RBFOX3: variants seen among roughly 807,000 people sequenced by gnomAD.
The protein encoded by RBFOX3 is RNA binding fox-1 homolog 3, also known as RNA binding protein fox-1 homolog 3.
RBFOX3 carries 17 observed loss-of-function variants against 48.7 expected under a neutral mutation model. The ratio of observed to expected loss-of-function variants is 0.35; its 90% CI spans 0.24 to 0.52. The LOEUF is 0.52. RBFOX3 is among the 20% of genes least tolerant of loss of function. The pLI is 0.94. For missense variants in RBFOX3, 382 were observed against 497.5 expected (o/e 0.77, Z 2.21); for synonymous variants, 212 against 209.5 (o/e 1.01, Z -0.10).
At chr17:79,523,623 G>A (rs2086413682) in intron 1 of RBFOX3, among the ~76,000 whole-genome samples, 2 of 152,176 alleles carry the variant, frequency 1.3e-5, no homozygotes, top group Admixed American at 6.5e-5. Context: ...ATTGGTTCAT[G>A]GACAGAGAGT....
At chr17:79,454,486 C>G (rs774445416) in intron 2 of RBFOX3, among the ~76,000 whole-genome samples, 1 of 152,152 alleles carries the variant, frequency 6.6e-6, no homozygotes, top group Non-Finnish European at 1.5e-5. Flanking sequence ...GCTCCCCCAC[C>G]TTGCCCACCA....
chr17:79,359,302 G>C (rs557260623), intron 2 of RBFOX3, among the ~76,000 whole-genome samples: 2 of 152,278 alleles, frequency 1.3e-5, no homozygotes, highest in Admixed American at 1.3e-4. Context: ...TTGAGTTTCA[G>C]ATAAACAACA....
chr17:79,493,303 C>T (rs2080968289), intron 1 of RBFOX3, among the ~76,000 whole-genome samples: 1 of 152,196 alleles, frequency 6.6e-6, no homozygotes, highest in South Asian at 2.1e-4. Context: ...CCACCAGGCC[C>T]CACCTCTAAC....
At chr17:79,158,644 G>T (rs881528) in intron 4 of RBFOX3, among the ~76,000 whole-genome samples, 1 of 152,100 alleles carries the variant, frequency 6.6e-6, no homozygotes, top group African/African-American at 2.4e-5. Flanking sequence ...CCCGACCAAG[G>T]CTGGCAAGGA....
chr17:79,519,104 G>T (rs1419634809), intron 1 of RBFOX3, among the ~76,000 whole-genome samples: 1 of 152,242 alleles, frequency 6.6e-6, no homozygotes, highest in Non-Finnish European at 1.5e-5. Context: ...ATGCTCCGGA[G>T]GTAAACCAAG....
intron 9 of RBFOX3, among the ~76,000 whole-genome samples, chr17:79,100,852 C>A (rs934716041): frequency 6.6e-5 from 10 of 152,190 alleles, no homozygotes; most frequent in Admixed American, 1.3e-4. Context: ...AGATCCATCT[C>A]CAAGGAAGAC....
chr17:79,472,231 G>A (rs948109553), intron 2 of RBFOX3, among the ~76,000 whole-genome samples: 105 of 152,324 alleles, frequency 6.9e-4, no homozygotes, highest in South Asian at 3.3e-3. Flanking sequence ...CACAGTGGTC[G>A]TACTAGCTGG....
intron 1 of RBFOX3, among the ~76,000 whole-genome samples, chr17:79,559,078 C>G (rs1207570683): frequency 6.6e-6 from 1 of 152,134 alleles, no homozygotes; most frequent in Non-Finnish European, 1.5e-5. Flanking sequence ...CTCAGTCTTA[C>G]ACGGGCAGCA....
rs73999989 is a variant in RBFOX3, at chr17:79,287,099, C to G, written c.-74+20625G>C. On this transcript the variant is annotated intron_variant, in intron 3 of 14. Transcript: ENST00000693108. ...CAGGATAGCTTTACCCAGAGGACAACTTGCTGTTGGCAGACCAGTGACAGA... is the reference window on the plus strand; with the variant it reads ...CAGGATAGCTTTACCCAGAGGACAAGTTGCTGTTGGCAGACCAGTGACAGA... Among the ~76,000 whole-genome samples the G allele has an allele frequency of 7.0e-3, 1,071 of 152,358 alleles. 20 individuals carry two copies. Among genetic ancestry groups the G allele is most frequent in the African/African-American group, 0.025 (1,030 of 41,582 alleles).
Position 79,356,273 on chromosome 17 carries a change from C to T in RBFOX3, c.-174-48449G>A, listed in dbSNP as rs114604794. Among the ~76,000 whole-genome samples the T allele has an allele frequency of 2.1e-3, 319 of 148,988 alleles. 1 individual carries two copies. Among genetic ancestry groups the T allele is most frequent in the African/African-American group, 7.4e-3 (301 of 40,470 alleles). On this transcript the variant is annotated intron_variant, in intron 2 of 14. Transcript: ENST00000693108. The stretch of plus-strand genomic sequence containing the variant: ...CAGACGGGGTGGGGGAGAGAGGAGG[C>T]ACTTGATCCCACCTGGGCAATGCCA...
rs183179840 is a variant in RBFOX3 at position 79,278,009 on chromosome 17, G to A, written c.-74+29715C>T. On this transcript the variant is annotated intron_variant, in intron 3 of 14. Transcript: ENST00000693108. ...TCTCAGCCTGATTGGAGACTTCTGTGTGATATGAGGAAAAAGCCTGGAAAG... is the reference window on the plus strand; with the variant it reads ...TCTCAGCCTGATTGGAGACTTCTGTATGATATGAGGAAAAAGCCTGGAAAG... Among the ~76,000 whole-genome samples, 4 of 152,332 alleles carry A rather than the reference G, an allele frequency of 2.6e-5. No individual in the cohort carries two copies. The East Asian group carries it at 7.7e-4, about 29-fold the overall frequency.
At chr17:79,100,204 G>C (rs1414976444) in intron 9 of RBFOX3, 2 of 152,294 alleles carry the variant, frequency 1.3e-5, no homozygotes, top group Non-Finnish European at 2.9e-5. Context: ...ACAGCGGTGG[G>C]TGTGGCCCTT....
At chr17:79,137,301 G>T (rs913616413) in intron 4 of RBFOX3, among the ~76,000 whole-genome samples, 2 of 151,894 alleles carry the variant, frequency 1.3e-5, no homozygotes, top group Non-Finnish European at 2.9e-5. Flanking sequence ...CCCTGTACAC[G>T]TGTACACACA....
intron 2 of RBFOX3, among the ~76,000 whole-genome samples, chr17:79,456,277 CTGTT>C (rs2074477269): frequency 6.6e-6 from 1 of 152,292 alleles, no homozygotes; most frequent in South Asian, 2.1e-4. Context: ...CCCGCCAACT[CTGTT>C]TGTTCCGCCT....
chr17:79,092,216 C>T (rs2074057794), intron 14 of RBFOX3: 1 of 985,528 alleles, frequency 1.0e-6, no homozygotes, highest in Non-Finnish European at 1.2e-6. Context: ...AAATGTGGCT[C>T]TTGCCCTCAT....
chr17:79,131,412 A>G (rs2143292155), intron 4 of RBFOX3, among the ~76,000 whole-genome samples: 1 of 152,286 alleles, frequency 6.6e-6, no homozygotes, highest in Admixed American at 6.5e-5. Context: ...GAACGTTGGT[A>G]GCACCTCCAC....
At chr17:79,616,218 T>C in the RBFOX3 span, among the ~76,000 whole-genome samples, 1 of 152,140 alleles carries the variant, frequency 6.6e-6, no homozygotes. Flanking sequence ...GGTTACTCTA[T>C]GTAGTCGTAA....
chr17:79,121,607 C>G (rs1280856814), intron 4 of RBFOX3, among the ~76,000 whole-genome samples: 1 of 152,198 alleles, frequency 6.6e-6, no homozygotes, highest in African/African-American at 2.4e-5. Flanking sequence ...CAGTCCTTGT[C>G]TGGTCTGGGC....
intron 4 of RBFOX3, among the ~76,000 whole-genome samples, chr17:79,133,494 T>C (rs187359217): frequency 2.6e-5 from 4 of 152,132 alleles, no homozygotes; most frequent in Non-Finnish European, 5.9e-5. Flanking sequence ...TGTGCAGAGC[T>C]TCTCTGCTGT....
Sources: allele counts gnomAD v4.1 joint callset (sites outside exome capture counted in the v4.1 genomes callset), GRCh38; gene constraint gnomAD v4.1.1; transcripts MANE v1.5; gene names NCBI Gene and HGNC (gene_info 2026-07-23, HGNC 2026-07-21).